Variants in THRB observed in about 807,000 individuals in gnomAD.
THRB encodes the protein nuclear receptor subfamily 1 group A member 2.
Under a neutral mutation model 47.8 loss-of-function variants are expected in THRB, and 12 were observed. The observed-to-expected ratio is 0.25, with a 90% CI of 0.16 to 0.41. The LOEUF is 0.41. Among genes scored for constraint, THRB ranks in the 10% least tolerant of loss-of-function variants. THRB has a pLI of 1.00. For missense variants in THRB, 348 were observed against 589.2 expected (o/e 0.59, Z 4.24); for synonymous variants, 218 against 212.2 (o/e 1.03, Z -0.24).
At chr3:24,382,384 A>T (rs1053456957) in intron 1 of THRB, among the ~76,000 whole-genome samples, 2 of 152,148 alleles carry the variant, frequency 1.3e-5, no homozygotes, top group Admixed American at 1.3e-4. Flanking sequence ...TAATAAATAA[A>T]TATTTTACAA....
chr3:24,358,712 C>T (rs141481805), intron 1 of THRB, among the ~76,000 whole-genome samples: 3 of 152,202 alleles, frequency 2.0e-5, no homozygotes, highest in African/African-American at 7.2e-5. Context: ...AGACTGGGCT[C>T]TCCTCTTTGT....
intron 3 of THRB, among the ~76,000 whole-genome samples, chr3:24,239,194 G>A (rs996287336): frequency 1.3e-5 from 2 of 152,026 alleles, no homozygotes; most frequent in African/African-American, 2.4e-5. Flanking sequence ...TGCCCACCTC[G>A]GCATCTGAAA....
At chr3:24,271,207 A>C (rs949651319) in intron 3 of THRB, among the ~76,000 whole-genome samples, 5 of 152,220 alleles carry the variant, frequency 3.3e-5, no homozygotes, top group Admixed American at 2.0e-4. Flanking sequence ...TTACAAAATC[A>C]AACAACCATT....
chr3:24,155,179 A>G (rs2037627187), intron 5 of THRB, among the ~76,000 whole-genome samples: 1 of 152,238 alleles, frequency 6.6e-6, no homozygotes. Context: ...CAATAATTCA[A>G]TCAGTGACTG....
chr3:24,284,118 G>A (rs1268363142), intron 3 of THRB, among the ~76,000 whole-genome samples: 15 of 146,962 alleles, frequency 1.0e-4, no homozygotes, highest in African/African-American at 2.0e-4. Flanking sequence ...AGCCCGCATC[G>A]CCAAGTCAAT....
chr3:24,448,040 A>G (rs2072273330), intron 1 of THRB, among the ~76,000 whole-genome samples: 1 of 152,074 alleles, frequency 6.6e-6, no homozygotes, highest in Non-Finnish European at 1.5e-5. Flanking sequence ...TTGGTCAGCA[A>G]GAAGCAACTA....
chr3:24,332,423 G>T (rs559021235), intron 2 of THRB, among the ~76,000 whole-genome samples: 2 of 152,252 alleles, frequency 1.3e-5, no homozygotes, highest in South Asian at 4.1e-4. Flanking sequence ...TTCACTATGG[G>T]CAGCCCCAAA....
chr3:24,191,827 C>T (rs7615226), intron 4 of THRB, among the ~76,000 whole-genome samples: 1 of 152,214 alleles, frequency 6.6e-6, no homozygotes, highest in Non-Finnish European at 1.5e-5. Flanking sequence ...AAGTAACAAT[C>T]AACACACGAT....
intron 2 of THRB, among the ~76,000 whole-genome samples, chr3:24,305,570 T>C (rs2057280155): frequency 6.6e-6 from 1 of 152,240 alleles, no homozygotes; most frequent in Admixed American, 6.5e-5. Context: ...ATTTGCATAC[T>C]GCATTCTCAT....
At chr3:24,249,551 C>A (rs569142770) in intron 3 of THRB, among the ~76,000 whole-genome samples, 3 of 133,386 alleles carry the variant, frequency 2.2e-5, no homozygotes. Flanking sequence ...TACCTCTAAC[C>A]CAGAACTTAA....
chr3:24,395,951 A>G (rs1008961397), intron 1 of THRB, among the ~76,000 whole-genome samples: 1 of 152,140 alleles, frequency 6.6e-6, no homozygotes, highest in African/African-American at 2.4e-5. Context: ...AACTGTATAC[A>G]GACAGAAAGT....
chr3:24,414,022 A>G (rs1219558598), intron 1 of THRB, among the ~76,000 whole-genome samples: 1 of 151,926 alleles, frequency 6.6e-6, no homozygotes, highest in Admixed American at 6.6e-5. Flanking sequence ...TTGGACCTCC[A>G]TAGTATATTT....
intron 3 of THRB, among the ~76,000 whole-genome samples, chr3:24,293,462 A>T (rs891478250): frequency 3.9e-5 from 6 of 152,218 alleles, no homozygotes; most frequent in Non-Finnish European, 5.9e-5. Flanking sequence ...TATGTCAAAC[A>T]TGCAAAAAAG....
chr3:24,470,279 G>T (rs1265841493), intron 1 of THRB, among the ~76,000 whole-genome samples: 1 of 152,196 alleles, frequency 6.6e-6, no homozygotes, highest in African/African-American at 2.4e-5. Flanking sequence ...AAGGGACTGA[G>T]TCACAGAAAC....
intron 1 of THRB, among the ~76,000 whole-genome samples, chr3:24,425,905 A>T (rs181767640): frequency 9.8e-4 from 149 of 152,112 alleles, no homozygotes; most frequent in African/African-American, 3.3e-3. Context: ...ATGAGAAACG[A>T]TAAGTGTAAG....
At chr3:24,346,234 C>T (rs1046840476) in intron 1 of THRB, among the ~76,000 whole-genome samples, 1 of 151,982 alleles carries the variant, frequency 6.6e-6, no homozygotes, top group Non-Finnish European at 1.5e-5. Flanking sequence ...AAGTCCCTTG[C>T]ATTTTCTGGA....
At chr3:24,144,447 C>G (rs796386037) in intron 7 of THRB, 4 of 152,662 alleles carry the variant, frequency 2.6e-5, no homozygotes, top group African/African-American at 9.6e-5. Context: ...TCTGAGCTTT[C>G]ATTTCTTCCT....
chr3:24,266,912 A>AGGAAGAGAGGGAGGAGAGAGGT, intron 3 of THRB, among the ~76,000 whole-genome samples: 1 of 152,200 alleles, frequency 6.6e-6, no homozygotes. Flanking sequence ...AGGACGAGGA[A>AGGAAGAGAGGGAGGAGAGAGGT]GGAAGAGAGG....
chr3:24,455,528 T>A (rs889347829), intron 1 of THRB: 4 of 152,182 alleles, frequency 2.6e-5, no homozygotes, highest in African/African-American at 9.7e-5. Context: ...GGTTAAATCA[T>A]TACTTTTGAT....
Sources: allele counts gnomAD v4.1 joint callset (sites outside exome capture counted in the v4.1 genomes callset), GRCh38; gene constraint gnomAD v4.1.1; transcripts MANE v1.5; gene names NCBI Gene and HGNC (gene_info 2026-07-23, HGNC 2026-07-21).